NRXN1: variants seen among roughly 807,000 people sequenced by gnomAD.
The protein encoded by NRXN1 is neurexin 1.
Under a neutral mutation model 150.9 loss-of-function variants are expected in NRXN1, and 39 were observed. The observed-to-expected ratio is 0.26, with a 90% CI of 0.20 to 0.34. The LOEUF (loss-of-function observed/expected upper bound fraction) is 0.34. Among genes scored for constraint, NRXN1 ranks in the 10% least tolerant of loss-of-function variants. NRXN1 has a pLI of 1.00. For missense variants in NRXN1, 1,815 were observed against 1,949.9 expected, an observed-to-expected ratio of 0.93 and a Z score of 1.30; for synonymous variants, 924 against 757.0, an observed-to-expected ratio of 1.22 and a Z score of -3.62.
At chr2:51,006,842 C>G (rs1700789175) in intron 2 of NRXN1, among the ~76,000 whole-genome samples, 1 of 151,880 alleles carries the variant, frequency 6.6e-6, no homozygotes, top group African/African-American at 2.4e-5. Context: ...TATTCATATT[C>G]AAGTTTCGCC....
intron 5 of NRXN1, among the ~76,000 whole-genome samples, chr2:50,902,342 G>A (rs1231251673): frequency 6.6e-6 from 1 of 151,128 alleles, no homozygotes; most frequent in Non-Finnish European, 1.5e-5. Context: ...CACATTCTGA[G>A]TTTAGAATAG....
chr2:50,934,129 G>A (rs1688175120), intron 2 of NRXN1, among the ~76,000 whole-genome samples: 1 of 152,050 alleles, frequency 6.6e-6, no homozygotes, highest in East Asian at 1.9e-4. Flanking sequence ...ACCAGCATGT[G>A]TGTATCTCTC....
intron 5 of NRXN1, among the ~76,000 whole-genome samples, chr2:50,793,406 T>C (rs899674223): frequency 2.6e-5 from 4 of 152,214 alleles, no homozygotes; most frequent in Admixed American, 2.6e-4. Flanking sequence ...GGCTTTGCCA[T>C]CTTCATGTTT....
chr2:50,232,070 A>G (rs1488397552), intron 18 of NRXN1, among the ~76,000 whole-genome samples: 1 of 152,128 alleles, frequency 6.6e-6, no homozygotes, highest in Non-Finnish European at 1.5e-5. Flanking sequence ...TAAGAAAGTT[A>G]AAACTGTAAG....
At chr2:50,171,470 T>G (rs1174276685) in intron 18 of NRXN1, among the ~76,000 whole-genome samples, 1 of 152,084 alleles carries the variant, frequency 6.6e-6, no homozygotes, top group East Asian at 1.9e-4. Context: ...GTTATGGGTG[T>G]TGGAAATATA....
intron 21 of NRXN1, among the ~76,000 whole-genome samples, chr2:50,013,839 C>T (rs915781018): frequency 6.6e-6 from 1 of 152,050 alleles, no homozygotes; most frequent in Non-Finnish European, 1.5e-5. Flanking sequence ...TAAAGCAAAC[C>T]TACATGAAAG....
chr2:49,997,585 T>G (rs1376063541), intron 21 of NRXN1, among the ~76,000 whole-genome samples: 3 of 152,200 alleles, frequency 2.0e-5, no homozygotes, highest in African/African-American at 7.2e-5. Flanking sequence ...TATCTACTAG[T>G]GCAAGGTAAG....
chr2:50,110,462 A>AGC (rs1702230331), intron 18 of NRXN1, among the ~76,000 whole-genome samples: 1 of 145,154 alleles, frequency 6.9e-6, no homozygotes, highest in Non-Finnish European at 1.5e-5. Flanking sequence ...ACCGCACTCC[A>AGC]GCCTGGGCGA....
intron 5 of NRXN1, among the ~76,000 whole-genome samples, chr2:50,903,990 T>C (rs1006329977): frequency 1.3e-5 from 2 of 152,138 alleles, no homozygotes; most frequent in African/African-American, 4.8e-5. Context: ...GAAAGCCCAA[T>C]GTTAAAACAG....
Position 50,394,783 on chromosome 2 carries a change from C to T in NRXN1, c.3364+70659G>A, listed in dbSNP as rs191993415. Among the ~76,000 whole-genome samples, 188 of 152,136 alleles carry T rather than the reference C, an allele frequency of 1.2e-3. 1 individual carries two copies. The highest frequency in any genetic ancestry group is 0.01 in the East Asian group (52 of 5,156). On this transcript the variant is annotated intron_variant, in intron 17 of 22. Transcript: ENST00000401669. ...GTAAAATTCAGATCCTTTTCAATAA[C>T]CTGAATGATATGAGAAGGCATCTGG...
chr2:50,876,318 A>C (rs1380022076), intron 5 of NRXN1, among the ~76,000 whole-genome samples: 1 of 151,556 alleles, frequency 6.6e-6, no homozygotes, highest in Non-Finnish European at 1.5e-5. Context: ...CACCATTATC[A>C]TGATGAAAAA....
chr2:50,566,477 A>G (rs1669882486), intron 8 of NRXN1, among the ~76,000 whole-genome samples: 1 of 150,082 alleles, frequency 6.7e-6, no homozygotes, highest in Admixed American at 6.6e-5. Flanking sequence ...CTGGTCTGAA[A>G]TGCATGACCT....
chr2:50,252,258 C>CTTTTT lies in NRXN1; in HGVS notation c.3365-15293_3365-15289dup, dbSNP rs143522284. ...CTTTTTTTTTTTTCTTTTTTCTTTT[C>CTTTTT]TTTTTTTTTTTTTTTTTTTGAGACA... is the stretch of plus-strand genomic sequence containing the variant. On this transcript the variant is annotated intron_variant, in intron 17 of 22. Coordinates refer to ENST00000401669, the MANE Select transcript of NRXN1 (RefSeq NM_001330078.2). Among the ~76,000 whole-genome samples, 639 of 69,724 alleles carry CTTTTT rather than the reference C, an allele frequency of 9.2e-3. 1 individual carries two copies. The highest frequency in any genetic ancestry group is 0.02 in the East Asian group (45 of 2,294). The allele number at this position is 69,724 out of a possible 152,430, so 45.7% of individuals were successfully genotyped here. A position where few individuals can be genotyped will look rare whatever the true frequency, so the allele number is the denominator to read the frequency against.
intron 5 of NRXN1, among the ~76,000 whole-genome samples, chr2:50,689,529 G>A (rs1207848532): frequency 1.3e-5 from 2 of 152,108 alleles, no homozygotes; most frequent in African/African-American, 2.4e-5. Flanking sequence ...TCTCTTTGAA[G>A]CTATCTGGAT....
At chr2:50,728,290 C>G (rs917262539) in intron 5 of NRXN1, among the ~76,000 whole-genome samples, 1 of 152,158 alleles carries the variant, frequency 6.6e-6, no homozygotes, top group African/African-American at 2.4e-5. Flanking sequence ...AGCATTTCCA[C>G]TTATCCTAAT....
chr2:50,694,907 G>A (rs1299195172), intron 5 of NRXN1, among the ~76,000 whole-genome samples: 1 of 152,096 alleles, frequency 6.6e-6, no homozygotes, highest in Non-Finnish European at 1.5e-5. Context: ...GGGTACTTTA[G>A]ATCCTGGTGA....
intron 18 of NRXN1, among the ~76,000 whole-genome samples, chr2:50,107,347 T>C (rs1241944336): frequency 6.6e-6 from 1 of 151,288 alleles, no homozygotes; most frequent in African/African-American, 2.4e-5. Flanking sequence ...TCTCAGACTA[T>C]TCAACTGGAA....
intron 5 of NRXN1, among the ~76,000 whole-genome samples, chr2:50,688,323 A>T (rs1691557192): frequency 6.6e-6 from 1 of 152,196 alleles, no homozygotes; most frequent in Non-Finnish European, 1.5e-5. Flanking sequence ...ACATAGGCTC[A>T]TGTATTCACT....
chr2:50,553,095 T>C (rs1667764760), intron 8 of NRXN1, 70 bp from the exon 9 acceptor site: 2 of 1,118,418 alleles, frequency 1.8e-6, no homozygotes, highest in South Asian at 1.5e-5. Flanking sequence ...GAACAGCTCA[T>C]GTAACTTTCA....
Sources: allele counts gnomAD v4.1 joint callset (sites outside exome capture counted in the v4.1 genomes callset), GRCh38; gene constraint gnomAD v4.1.1; transcripts MANE v1.5; gene names NCBI Gene and HGNC (gene_info 2026-07-23, HGNC 2026-07-21).